The following BBX variants were observed in gnomAD, a reference collection of about 807,000 sequenced individuals.
BBX encodes the protein HMG box transcription factor BBX.
A neutral mutation model predicts 100.2 loss-of-function variants in BBX; 30 were observed. That is an observed-to-expected ratio of 0.30 (90% CI 0.22 to 0.41). The LOEUF (loss-of-function observed/expected upper bound fraction) is 0.41, where lower values mean the gene tolerates loss of function less well. Among genes scored for constraint, BBX ranks in the 10% least tolerant of loss-of-function variants. The pLI is 1.00. For synonymous variants in BBX, 376 were observed against 388.1 expected (o/e 0.97, Z 0.37); for missense variants, 1,023 against 1,129.8 (o/e 0.91, Z 1.35).
At chr3:107,697,518 G>A (rs971153454) in intron 3 of BBX, among the ~76,000 whole-genome samples, 1 of 151,896 alleles carries the variant, frequency 6.6e-6, no homozygotes, top group African/African-American at 2.4e-5. Flanking sequence ...CGGGGGTCAG[G>A]GGTCAGGGAC....
chr3:107,524,953 C>T (rs894581745), intron 1 of BBX, among the ~76,000 whole-genome samples: 1 of 151,726 alleles, frequency 6.6e-6, no homozygotes, highest in Non-Finnish European at 1.5e-5. Flanking sequence ...CGGCCGCGGA[C>T]GCCGGGCTGC....
chr3:107,571,454 A>G (rs1210939197), intron 2 of BBX, among the ~76,000 whole-genome samples: 1 of 152,074 alleles, frequency 6.6e-6, no homozygotes, highest in East Asian at 1.9e-4. Flanking sequence ...CTCTGTCTCT[A>G]CTAGAGGGGA....
intron 3 of BBX, among the ~76,000 whole-genome samples, chr3:107,678,845 C>G (rs1438378482): frequency 6.6e-6 from 1 of 152,154 alleles, no homozygotes; most frequent in Non-Finnish European, 1.5e-5. Context: ...CTGCAAAGCA[C>G]TATTCCAAGC....
chr3:107,738,715 C>G (rs558809359), intron 7 of BBX, among the ~76,000 whole-genome samples: 1 of 152,170 alleles, frequency 6.6e-6, no homozygotes, highest in African/African-American at 2.4e-5. Context: ...TCTCCTGTGT[C>G]CTGTGTCCTG....
chr3:107,758,526 C>T (rs1172248302), intron 10 of BBX, among the ~76,000 whole-genome samples: 2 of 152,092 alleles, frequency 1.3e-5, no homozygotes, highest in Non-Finnish European at 2.9e-5. Flanking sequence ...TGCCTTTGCT[C>T]GGGACCTCTG....
At chr3:107,654,767 C>A (rs756601269) in intron 3 of BBX, among the ~76,000 whole-genome samples, 15 of 152,068 alleles carry the variant, frequency 9.9e-5, no homozygotes, top group Non-Finnish European at 2.1e-4. Flanking sequence ...AGACTCAAGA[C>A]TAAACTAACT....
intron 2 of BBX, among the ~76,000 whole-genome samples, chr3:107,558,266 C>T (rs1248062583): frequency 6.6e-6 from 1 of 152,178 alleles, no homozygotes; most frequent in African/African-American, 2.4e-5. Context: ...GCAGGCGGAT[C>T]ACCTGAGGTC....
At chr3:107,717,137 G>A (rs149904757) in intron 5 of BBX, among the ~76,000 whole-genome samples, 1 of 152,226 alleles carries the variant, frequency 6.6e-6, no homozygotes, top group Non-Finnish European at 1.5e-5. Context: ...TATTGTGAAG[G>A]TTTATTATGA....
chr3:107,634,827 T>G (rs925443056), intron 2 of BBX, among the ~76,000 whole-genome samples: 3 of 152,236 alleles, frequency 2.0e-5, no homozygotes, highest in African/African-American at 7.2e-5. Context: ...ATTCCTTTCT[T>G]TCTATCCACC....
intron 3 of BBX, among the ~76,000 whole-genome samples, chr3:107,652,717 T>C (rs2057911919): frequency 6.6e-6 from 1 of 152,206 alleles, no homozygotes; most frequent in Admixed American, 6.5e-5. Context: ...ATCTCTATTA[T>C]AGAGAAGTGT....
chr3:107,774,502 A>C (rs908142385), intron 11 of BBX, among the ~76,000 whole-genome samples: 1 of 152,218 alleles, frequency 6.6e-6, no homozygotes, highest in Non-Finnish European at 1.5e-5. Flanking sequence ...CTGTTGAATT[A>C]CATGACAATT....
chr3:107,771,324 T>C (rs1419519639), intron 10 of BBX, among the ~76,000 whole-genome samples: 2 of 152,074 alleles, frequency 1.3e-5, no homozygotes, highest in Non-Finnish European at 2.9e-5. Context: ...AAAAAATAGC[T>C]CTATATTAAA....
Position 107,572,354 on chromosome 3 carries a change from A to G in BBX, c.-84+45956A>G, listed in dbSNP as rs191232756. On this transcript the variant is annotated intron_variant, in intron 2 of 17. Transcript: ENST00000325805. ...TTAACTCTTTTTTCTTCTATTTAAT[A>G]TATTATCTTGAGACAACTGGTATGT... 4.2e-3 allele frequency among the ~76,000 whole-genome samples: 635 copies of G among 152,254 alleles called. 3 individuals carry two copies. The highest frequency in any genetic ancestry group is 5.9e-3 in the Non-Finnish European group (403 of 68,022).
chr3:107,677,959 C>T (rs1269309517), intron 3 of BBX, among the ~76,000 whole-genome samples: 1 of 151,906 alleles, frequency 6.6e-6, no homozygotes, highest in African/African-American at 2.4e-5. Context: ...AATAGAATTA[C>T]CAAAAAGAAG....
intron 3 of BBX, among the ~76,000 whole-genome samples, chr3:107,709,491 A>G (rs1195118962): frequency 1.3e-5 from 2 of 152,238 alleles, no homozygotes; most frequent in Non-Finnish European, 2.9e-5. Context: ...AATTTTAGCA[A>G]CTGTACTTGT....
At chr3:107,536,964 G>C (rs1173382950) in intron 2 of BBX, among the ~76,000 whole-genome samples, 1 of 152,198 alleles carries the variant, frequency 6.6e-6, no homozygotes, top group Non-Finnish European at 1.5e-5. Context: ...ATAGGCGCTA[G>C]ACCTTGAAAT....
intron 2 of BBX, among the ~76,000 whole-genome samples, chr3:107,629,614 A>G (rs1482168190): frequency 6.6e-6 from 1 of 152,132 alleles, no homozygotes; most frequent in African/African-American, 2.4e-5. Context: ...CACATCATTC[A>G]GTGCCAAACG....
At chr3:107,785,626 A>G (rs1355376867) in intron 13 of BBX, among the ~76,000 whole-genome samples, 4 of 149,114 alleles carry the variant, frequency 2.7e-5, no homozygotes, top group African/African-American at 7.3e-5. Context: ...ATAAAAGTCA[A>G]TGCCCTTTAA....
intron 3 of BBX, among the ~76,000 whole-genome samples, chr3:107,676,953 G>C (rs2107957709): frequency 6.6e-6 from 1 of 152,184 alleles, no homozygotes; most frequent in East Asian, 1.9e-4. Flanking sequence ...AAGCATTCTT[G>C]ACTAGAGGGT....
Sources: gnomAD v4.1 joint callset for allele counts (sites outside exome capture counted in the v4.1 genomes callset) on GRCh38, gnomAD v4.1.1 for gene constraint, MANE v1.5 for transcripts, NCBI Gene and HGNC (gene_info 2026-07-23, HGNC 2026-07-21) for gene names.